DNAH9: variants seen among roughly 807,000 people sequenced by gnomAD.
The protein encoded by DNAH9 is dynein axonemal heavy chain 9.
In DNAH9, 345 loss-of-function variants were observed where a neutral mutation model predicts 471.6. The observed-to-expected ratio is 0.73, with a 90% CI of 0.67 to 0.80. The LOEUF (loss-of-function observed/expected upper bound fraction) is 0.80, where lower values mean the gene tolerates loss of function less well. Among genes scored for constraint, DNAH9 ranks in the 30% least tolerant of loss-of-function variants. The pLI, the probability that DNAH9 is intolerant of heterozygous loss-of-function variation, is 0.00. For synonymous variants in DNAH9, 2,093 were observed against 2,123.6 expected (o/e 0.99, Z 0.40); for missense variants, 5,407 against 5,609.2 (o/e 0.96, Z 1.15).
Position 11,894,390 on chromosome 17 carries a change from G to C in DNAH9, c.11300G>C (p.Arg3767Pro). The C allele has an allele frequency of 6.2e-7, 1 of 1,614,090 alleles. No homozygotes were observed. The highest frequency in any genetic ancestry group is 8.5e-7 in the Non-Finnish European group (1 of 1,180,000). Reference protein sequence around the residue: ...QLTFQILLMNREVNAVELDFL... With the variant: ...QLTFQILLMNPEVNAVELDFL... Reference sequence around the variant, plus strand: ...ACATTGCAGATTCTCCTCATGAACCGAGAAGTCAATGCAGTGGAGTTGGAT... The same window carrying C: ...ACATTGCAGATTCTCCTCATGAACCCAGAAGTCAATGCAGTGGAGTTGGAT... Residue 3767 changes from arginine (R) to proline (P), a missense_variant, in exon 59 of 69, where the codon CGA becomes CCA. Physicochemically the swap from Arg to Pro is moderately radical, Grantham distance 103. This residue lies in a region of DNAH9 where 4,636 missense variants were observed against 4,900.3 expected (regional missense o/e 0.95). Transcript: ENST00000262442.
At chr17:11,651,500 T>TC (rs1424191134) in intron 13 of DNAH9, among the ~76,000 whole-genome samples, 176 bp downstream of exon 13, 1 of 152,130 alleles carries the variant, frequency 6.6e-6, no homozygotes, top group Non-Finnish European at 1.5e-5. Flanking sequence ...TTCCTTTTTT[T>TC]CCTTTTCTAT....
intron 50 of DNAH9, among the ~76,000 whole-genome samples, chr17:11,867,134 A>C (rs540361300): frequency 1.3e-5 from 2 of 152,316 alleles, no homozygotes; most frequent in Non-Finnish European, 2.9e-5. Flanking sequence ...GGAGCTGGAG[A>C]CCAGAGCTGT....
Position 11,854,080 on chromosome 17 carries a change from G to C in DNAH9, c.9585G>C (p.Leu3195=), listed in dbSNP as rs1336397781. 6.2e-7 allele frequency: 1 copy of C among 1,614,076 alleles called. No individual in the cohort carries two copies. The highest frequency in any genetic ancestry group is 1.3e-5 in the African/African-American group (1 of 74,934). ...VSNVSAAVMV[L]MAPRGRVPKD... ...ATGTCAGCGCTGCGGTGATGGTACT[G>C]ATGGCTCCCAGGGGTAGGGTGCCCA... The change falls in exon 50 of 69, where the codon CTG becomes CTC. Residue 3195 remains leucine, a synonymous_variant. Transcript: ENST00000262442.
rs1483320872 is a variant in DNAH9 at position 11,937,400 on chromosome 17, C to G, written c.12538C>G (p.His4180Asp). The change falls in exon 66 of 69, where the codon CAC becomes GAC. Residue 4180 changes from histidine (H) to aspartate (D), a missense_variant. Physicochemically the swap from His to Asp is moderately conservative, Grantham distance 81. Coordinates refer to ENST00000262442, the MANE Select transcript of DNAH9 (RefSeq NM_001372.4). This position sits in a 1 kb window ranked among gnomAD's most constrained non-coding sequence, Gnocchi z 4.1. ...PPESPYLYGL[H>D]PNAEIGFLTQ... ...AGAATCCCCCTACCTCTATGGCCTC[C>G]ACCCGAACGCAGAGATTGGCTTCCT... The G allele has an allele frequency of 5.6e-6, 9 of 1,614,068 alleles. No homozygotes were observed. In the South Asian group the frequency reaches 8.8e-5, roughly 16 times the overall value.
chr17:11,880,002 G>A (rs1021206862), intron 53 of DNAH9, 76 bp from the exon 54 acceptor site: 16 of 1,563,826 alleles, frequency 1.0e-5, no homozygotes, highest in African/African-American at 2.7e-5. Flanking sequence ...TAGAGGTCAC[G>A]CTTGTCTCAT....
intron 66 of DNAH9, among the ~76,000 whole-genome samples, chr17:11,938,593 T>A (rs1295267342): frequency 6.6e-6 from 1 of 152,136 alleles, no homozygotes; most frequent in Non-Finnish European, 1.5e-5. Flanking sequence ...GCCTGGATTT[T>A]TTTTTTAATT....
At chr17:11,734,344 G>C (rs1167534148) in intron 28 of DNAH9, among the ~76,000 whole-genome samples, 2 of 152,206 alleles carry the variant, frequency 1.3e-5, no homozygotes, top group South Asian at 2.1e-4. Context: ...CTACAAAATA[G>C]TAATGCACAG....
At chr17:11,882,865 A>G (rs989462382) in intron 55 of DNAH9, 1 of 919,420 alleles carries the variant, frequency 1.1e-6, no homozygotes, top group Admixed American at 6.2e-5. Flanking sequence ...AGCACAGAGA[A>G]CAGCAAATCC....
chr17:11,804,361 T>C (rs1219326657), intron 43 of DNAH9, among the ~76,000 whole-genome samples: 1 of 152,156 alleles, frequency 6.6e-6, no homozygotes, highest in Non-Finnish European at 1.5e-5. Context: ...GAAACATCTT[T>C]AAAAAACTGG....
In DNAH9 at chr17:11,744,980, C is replaced by T. The variant is rs149674795; in HGVS notation, c.6295C>T (p.Pro2099Ser). 4.3e-6 allele frequency: 7 copies of T among 1,614,000 alleles called. No homozygotes were observed. The highest frequency in any genetic ancestry group is 5.9e-6 in the Non-Finnish European group (7 of 1,179,998). ...IFMGLIGDLF[P>S]ALDVPRRRDP... Reference sequence around the variant, plus strand: ...CATGGGCCTGATCGGGGACCTCTTTCCCGCCCTGGATGTCCCCCGGAGGAG... The same window carrying T: ...CATGGGCCTGATCGGGGACCTCTTTTCCGCCCTGGATGTCCCCCGGAGGAG... The change falls in exon 31 of 69, where the codon CCC becomes TCC. Residue 2099 changes from proline to serine, a missense_variant. Pro to Ser is a moderately conservative substitution (Grantham distance 74). Transcript: ENST00000262442.
In DNAH9 at chr17:11,626,637, G is replaced by A. The variant is rs76191461; in HGVS notation, c.1351-2780G>A. Among the ~76,000 whole-genome samples, 5,027 of 152,226 alleles carry A rather than the reference G, an allele frequency of 0.033. 288 individuals carry two copies. Among genetic ancestry groups the A allele is most frequent in the African/African-American group, 0.12 (4,773 of 41,502 alleles). On this transcript the variant is annotated intron_variant, in intron 6 of 68. Coordinates refer to ENST00000262442, the MANE Select transcript of DNAH9 (RefSeq NM_001372.4). This position sits in a 1 kb window ranked among gnomAD's most constrained non-coding sequence, Gnocchi z 4.3. Reference sequence around the variant, plus strand: ...TAATAAGTTCAACCTGTATGGTGAGGTCACATCTACTTCTTTGTCCCATTC... The same window carrying A: ...TAATAAGTTCAACCTGTATGGTGAGATCACATCTACTTCTTTGTCCCATTC...
intron 61 of DNAH9, among the ~76,000 whole-genome samples, chr17:11,922,934 G>A (rs1373794571): frequency 6.6e-6 from 1 of 152,074 alleles, no homozygotes; most frequent in Non-Finnish European, 1.5e-5. Context: ...CTAGAATGGT[G>A]GACCCATATC....
At chr17:11,903,136 C>T (rs1973470889) in intron 60 of DNAH9, among the ~76,000 whole-genome samples, 1 of 152,004 alleles carries the variant, frequency 6.6e-6, no homozygotes. Flanking sequence ...GTCAGGAGTT[C>T]AAGACCAGCC....
At chr17:11,629,783 T>C (rs530214358) in intron 7 of DNAH9, among the ~76,000 whole-genome samples, 199 bp downstream of exon 7, 7 of 152,316 alleles carry the variant, frequency 4.6e-5, no homozygotes, top group African/African-American at 7.2e-5. Flanking sequence ...ATTCTTTGTG[T>C]TGGGAGAAAG....
In DNAH9 at chr17:11,632,711, TA is replaced by T. The variant is rs750913068; in HGVS notation, c.1635+11del. 2.1e-6 allele frequency: 3 copies of T among 1,438,268 alleles called. No individual in the cohort carries two copies. The African/African-American group carries it at 4.2e-5, about 20-fold the overall frequency. The allele number at this position is 1,438,268 out of a possible 1,614,324, so 89.1% of individuals were successfully genotyped here. A position where few individuals can be genotyped will look rare whatever the true frequency, so the allele number is the denominator to read the frequency against. On this transcript the variant is annotated intron_variant, in intron 8 of 68. Coordinates refer to ENST00000262442, the MANE Select transcript of DNAH9 (RefSeq NM_001372.4). ...TTGGAGCATGCCTTTAAGGTTTGTG[TA>T]AATGGGGCAGGAGCCACTCGGTCCT...
Position 11,621,332 on chromosome 17 carries a change from C to A in DNAH9, c.1350+1551C>A, listed in dbSNP as rs112118399. Among the ~76,000 whole-genome samples, 321 of 137,298 alleles carry A rather than the reference C, an allele frequency of 2.3e-3. 1 individual carries two copies. Among genetic ancestry groups the A allele is most frequent in the African/African-American group, 8.3e-3 (308 of 37,042 alleles). 90.1% of individuals were successfully genotyped at this position (137,298 alleles called of 152,430 possible). On this transcript the variant is annotated intron_variant, in intron 6 of 68. Transcript: ENST00000262442. ...CTGAGGCAGGAGAATCGTTTGAACT[C>A]GGGAGGTAGAGGTTGCAGTGAGCCA... is the stretch of plus-strand genomic sequence containing the variant.
At chr17:11,952,419 A>G (rs936709274) in intron 67 of DNAH9, among the ~76,000 whole-genome samples, 2 of 142,048 alleles carry the variant, frequency 1.4e-5, no homozygotes, top group Admixed American at 7.7e-5. Flanking sequence ...TTGGCTTCCC[A>G]AAGTGCTGAG....
intron 15 of DNAH9, 85 bp downstream of exon 15, chr17:11,665,053 TGCTCTGTGA>T: frequency 7.8e-7 from 1 of 1,274,884 alleles, no homozygotes; most frequent in Non-Finnish European, 1.1e-6. Flanking sequence ...AGCAGCTGAG[TGCTCTGTGA>T]CTTTTCCCAA....
chr17:11,725,014 A>G (rs1041993246), intron 27 of DNAH9, among the ~76,000 whole-genome samples: 3 of 152,218 alleles, frequency 2.0e-5, no homozygotes, highest in Non-Finnish European at 4.4e-5. Context: ...GATCCCTCAC[A>G]TGTGCAATTC....
Sources: gnomAD v4.1 joint callset for allele counts (sites outside exome capture counted in the v4.1 genomes callset) on GRCh38, gnomAD v4.1.1 for gene constraint, gnomAD v4.1.1 regional missense constraint, Gnocchi (gnomAD v3.1) non-coding constraint, MANE v1.5 for transcripts, NCBI Gene and HGNC (gene_info 2026-07-23, HGNC 2026-07-21) for gene names.